Variants in ROBO1 observed in about 807,000 individuals in gnomAD.
ROBO1 encodes the protein roundabout guidance receptor 1, also known as roundabout homolog 1.
In ROBO1, 149 loss-of-function variants were observed where a neutral mutation model predicts 195.9. The observed-to-expected ratio is 0.76, with a 90% CI of 0.67 to 0.87. The LOEUF (loss-of-function observed/expected upper bound fraction) is 0.87. ROBO1 is among the 40% of genes least tolerant of loss of function. The probability of loss-of-function intolerance (pLI) is 0.00; values close to 1 mark genes in which losing one functional copy is unlikely to be tolerated. For synonymous variants in ROBO1, 816 were observed against 733.2 expected, an observed-to-expected ratio of 1.11 and a Z score of -1.82; for missense variants, 1,933 against 2,068.3, an observed-to-expected ratio of 0.93 and a Z score of 1.27.
chr3:79,327,590 AATAT>A, intron 2 of ROBO1, among the ~76,000 whole-genome samples: 1 of 151,058 alleles, frequency 6.6e-6, no homozygotes, highest in Admixed American at 6.6e-5. Context: ...ATAAAATTTA[AATAT>A]ATATATATAT....
At chr3:79,697,024 G>A (rs1560109151) in intron 1 of ROBO1, among the ~76,000 whole-genome samples, 1 of 151,376 alleles carries the variant, frequency 6.6e-6, no homozygotes, top group Admixed American at 6.6e-5. Flanking sequence ...ACAGAGACGT[G>A]CTACAAGTCG....
At chr3:79,329,204 G>A (rs2034334769) in intron 2 of ROBO1, among the ~76,000 whole-genome samples, 1 of 151,672 alleles carries the variant, frequency 6.6e-6, no homozygotes, top group Non-Finnish European at 1.5e-5. Flanking sequence ...GTCTATTCTC[G>A]CTTCCACATG....
chr3:79,096,692 A>G (rs2079573950), intron 3 of ROBO1, among the ~76,000 whole-genome samples: 1 of 150,836 alleles, frequency 6.6e-6, no homozygotes, highest in East Asian at 2.0e-4. Context: ...GTATACGTAC[A>G]CACATATTTA....
chr3:79,240,147 A>AT (rs1337613524), intron 2 of ROBO1, among the ~76,000 whole-genome samples: 1 of 152,182 alleles, frequency 6.6e-6, no homozygotes, highest in Admixed American at 6.5e-5. Flanking sequence ...AGTTATGAAT[A>AT]TATAATACAT....
At chr3:79,196,648 G>A (rs184148898) in intron 2 of ROBO1, among the ~76,000 whole-genome samples, 6 of 151,812 alleles carry the variant, frequency 4.0e-5, no homozygotes, top group Admixed American at 6.6e-5. Flanking sequence ...ACATGAAGCT[G>A]AGCCTCATAG....
chr3:79,082,294 A>T (rs565272730), intron 3 of ROBO1, among the ~76,000 whole-genome samples: 1 of 152,272 alleles, frequency 6.6e-6, no homozygotes, highest in Admixed American at 6.5e-5. Flanking sequence ...GAAATTTGCC[A>T]TCCAGAAAAG....
At chr3:78,825,310 G>A (rs2031485882) in intron 4 of ROBO1, among the ~76,000 whole-genome samples, 1 of 152,160 alleles carries the variant, frequency 6.6e-6, no homozygotes, top group Non-Finnish European at 1.5e-5. Context: ...TCTCTGGCCA[G>A]ATGATATTAC....
Position 78,702,579 on chromosome 3 carries a change from T to A in ROBO1, c.1045+11818A>T, listed in dbSNP as rs111355974. Among the ~76,000 whole-genome samples, 298 of 152,338 alleles carry A rather than the reference T, an allele frequency of 2.0e-3. 2 individuals carry two copies. The highest frequency in any genetic ancestry group is 6.8e-3 in the African/African-American group (284 of 41,578). On this transcript the variant is annotated intron_variant, in intron 8 of 30. Coordinates refer to ENST00000464233, the MANE Select transcript of ROBO1 (RefSeq NM_002941.4). ...TTAAAATGAACATTTTAAAATGTGC[T>A]ATCTCTCAATGATAAGAGCAGAAAA...
chr3:79,432,558 G>A (rs1178544892), intron 2 of ROBO1, among the ~76,000 whole-genome samples: 1 of 152,048 alleles, frequency 6.6e-6, no homozygotes, highest in Non-Finnish European at 1.5e-5. Flanking sequence ...CACGAGCAAA[G>A]CATGATAACA....
rs1158217100 is a variant in ROBO1, at chr3:78,938,912, T to C, written c.188A>G (p.Gln63Arg). The C allele has an allele frequency of 6.2e-7, 1 of 1,608,284 alleles. No individual in the cohort carries two copies. The highest frequency in any genetic ancestry group is 1.1e-5 in the South Asian group (1 of 90,410). Residue 63 changes from glutamine (Q) to arginine (R), a missense_variant, in exon 4 of 31, where the codon CAG becomes CGG. Gln to Arg is a conservative substitution (Grantham distance 43). Coordinates refer to ENST00000464233, the MANE Select transcript of ROBO1 (RefSeq NM_002941.4). ...SLGYTGSRLR[Q>R]EDFPPRIVEH... ...AACAATGCGAGGTGGAAAATCTTCC[T>C]GACGAAGACGGGAGCCTGCAGAAGA...
chr3:79,176,712 G>A (rs529563005), intron 2 of ROBO1, among the ~76,000 whole-genome samples: 9 of 152,202 alleles, frequency 5.9e-5, no homozygotes, highest in East Asian at 3.9e-4. Context: ...CCCCCAGCTC[G>A]GCCCCCCAAA....
intron 4 of ROBO1, among the ~76,000 whole-genome samples, chr3:78,762,329 T>C (rs2108374158): frequency 6.6e-6 from 1 of 152,154 alleles, no homozygotes; most frequent in Non-Finnish European, 1.5e-5. Context: ...TTATTAGCTT[T>C]TAAAAATGAC....
At chr3:78,820,421 G>A (rs2030766972) in intron 4 of ROBO1, among the ~76,000 whole-genome samples, 1 of 152,182 alleles carries the variant, frequency 6.6e-6, no homozygotes, top group African/African-American at 2.4e-5. Context: ...GCTAGGAAAT[G>A]TCAAGGCCTG....
chr3:78,980,497 CAGG>C (rs1487882215), intron 3 of ROBO1, among the ~76,000 whole-genome samples: 14 of 152,312 alleles, frequency 9.2e-5, no homozygotes, highest in African/African-American at 3.4e-4. Context: ...TCTTTTCCAA[CAGG>C]AGAATATTCT....
At chr3:78,942,712 A>C (rs1318862989) in intron 3 of ROBO1, among the ~76,000 whole-genome samples, 2 of 152,186 alleles carry the variant, frequency 1.3e-5, no homozygotes, top group Non-Finnish European at 2.9e-5. Context: ...ATTAGAATAC[A>C]GCCAATGATT....
At chr3:78,914,743 A>G (rs2038454252) in intron 4 of ROBO1, among the ~76,000 whole-genome samples, 1 of 139,274 alleles carries the variant, frequency 7.2e-6, no homozygotes. Flanking sequence ...TATACCATGT[A>G]TACATTTTAT....
intron 3 of ROBO1, among the ~76,000 whole-genome samples, chr3:79,095,087 C>G (rs1055916026): frequency 6.6e-6 from 1 of 151,876 alleles, no homozygotes; most frequent in Non-Finnish European, 1.5e-5. Flanking sequence ...GGCTCACAGG[C>G]AAGTGAATTT....
rs535058076 is a variant in ROBO1 at position 79,546,415 on chromosome 3, A to ACC, written c.88+43408_88+43409insGG. On this transcript the variant is annotated intron_variant, in intron 2 of 30. Transcript: ENST00000464233. ...TCAAAGGTTAAATGTACAGTGAAAG[A>ACC]GTACAGTGTTGCTCTCGAAAGACAA... 5.1e-3 allele frequency among the ~76,000 whole-genome samples: 778 copies of ACC among 152,290 alleles called. 8 individuals are homozygous for ACC. Among genetic ancestry groups the ACC allele is most frequent in the African/African-American group, 0.018 (741 of 41,566 alleles).
In ROBO1 at chr3:78,944,589, C is replaced by T. The variant is rs1409604583; in HGVS notation, c.173-5662G>A. On this transcript the variant is annotated intron_variant, in intron 3 of 30. Transcript: ENST00000464233. ...GGTCTACAGCTCCCAGGGGGAGCAACGCAGAAGACCAGTGATTTCTGCATT... is the reference window on the plus strand; with the variant it reads ...GGTCTACAGCTCCCAGGGGGAGCAATGCAGAAGACCAGTGATTTCTGCATT... Among the ~76,000 whole-genome samples, 9 of 152,196 alleles carry T rather than the reference C, an allele frequency of 5.9e-5. No homozygotes were observed. The South Asian group carries it at 6.2e-4, about 10-fold the overall frequency.
Sources: gnomAD v4.1 joint callset for allele counts (sites outside exome capture counted in the v4.1 genomes callset) on GRCh38, gnomAD v4.1.1 for gene constraint, MANE v1.5 for transcripts, NCBI Gene and HGNC (gene_info 2026-07-23, HGNC 2026-07-21) for gene names.